PKIB: variants seen among roughly 807,000 people sequenced by gnomAD.
PKIB encodes the protein PKI-beta.
In PKIB, 2 loss-of-function variants were observed where a neutral mutation model predicts 4.5. The ratio of observed to expected loss-of-function variants is 0.44; its 90% CI spans 0.18 to 1.39. The LOEUF is 1.39. Among genes scored for constraint, PKIB ranks in the 40% most tolerant of loss-of-function variants. PKIB has a pLI of 0.27. For missense variants in PKIB, 94 were observed against 92.6 expected, an observed-to-expected ratio of 1.02 and a Z score of -0.06; for synonymous variants, 38 against 36.0, an observed-to-expected ratio of 1.06 and a Z score of -0.20.
At chr6:122,556,590 A>G (rs566103601) in intron 2 of PKIB, among the ~76,000 whole-genome samples, 1 of 152,208 alleles carries the variant, frequency 6.6e-6, no homozygotes, top group African/African-American at 2.4e-5. Flanking sequence ...CTTGGGCCAT[A>G]TGAATGAGCA....
At chr6:122,659,902 G>A (rs1015460153) in intron 2 of PKIB, among the ~76,000 whole-genome samples, 1 of 152,104 alleles carries the variant, frequency 6.6e-6, no homozygotes, top group Admixed American at 6.6e-5. Flanking sequence ...GAACTTTTAT[G>A]TGAAAAGACA....
chr6:122,537,144 G>A (rs1777430305), intron 2 of PKIB, among the ~76,000 whole-genome samples: 1 of 151,574 alleles, frequency 6.6e-6, no homozygotes, highest in Admixed American at 6.6e-5. Context: ...TCTTCTTTCT[G>A]ACAGAATCAA....
intron 2 of PKIB, among the ~76,000 whole-genome samples, chr6:122,494,601 T>C (rs1423234485): frequency 6.6e-6 from 1 of 152,064 alleles, no homozygotes; most frequent in African/African-American, 2.4e-5. Context: ...GGAAAAAAAA[T>C]TGCCTTTAAG....
intron 2 of PKIB, among the ~76,000 whole-genome samples, chr6:122,636,979 G>A (rs1325125842): frequency 6.6e-6 from 1 of 152,058 alleles, no homozygotes; most frequent in African/African-American, 2.4e-5. Flanking sequence ...TATTCAAAAA[G>A]CACAACAACA....
upstream of PKIB, among the ~76,000 whole-genome samples, chr6:122,609,570 A>G (rs1377608129): frequency 1.3e-5 from 2 of 152,234 alleles, no homozygotes; most frequent in African/African-American, 4.8e-5. Flanking sequence ...CATAGTATGA[A>G]TGAGCAAATT....
intron 1 of PKIB, among the ~76,000 whole-genome samples, chr6:122,624,531 A>AC (rs746828606): frequency 6.6e-6 from 1 of 152,212 alleles, no homozygotes; most frequent in Admixed American, 6.5e-5. Flanking sequence ...CTTTTGAGTC[A>AC]ATTCTCCAAA....
chr6:122,716,104 A>G (rs1189763975), intron 3 of PKIB, among the ~76,000 whole-genome samples: 1 of 152,196 alleles, frequency 6.6e-6, no homozygotes, highest in Non-Finnish European at 1.5e-5. Flanking sequence ...ACTTTTTGTT[A>G]GGATTAAATG....
At chr6:122,641,985 T>A (rs1776136917) in intron 2 of PKIB, among the ~76,000 whole-genome samples, 1 of 152,104 alleles carries the variant, frequency 6.6e-6, no homozygotes, top group South Asian at 2.1e-4. Flanking sequence ...GAGCCACAGC[T>A]CCCAGCTGTT....
chr6:122,569,400 C>T (rs776544135), intron 2 of PKIB, among the ~76,000 whole-genome samples: 4 of 152,154 alleles, frequency 2.6e-5, no homozygotes, highest in Non-Finnish European at 5.9e-5. Context: ...AATACTGTGT[C>T]CAGAATGGAG....
intron 2 of PKIB, among the ~76,000 whole-genome samples, chr6:122,648,579 A>G (rs773808144): frequency 7.9e-5 from 12 of 152,208 alleles, no homozygotes; most frequent in Non-Finnish European, 1.5e-4. Flanking sequence ...TTTGCTGTGA[A>G]GTAAGCTCCT....
upstream of PKIB, among the ~76,000 whole-genome samples, chr6:122,605,744 T>C (rs1305777683): frequency 6.6e-6 from 1 of 152,130 alleles, no homozygotes; most frequent in Non-Finnish European, 1.5e-5. Context: ...CCCAGGTACA[T>C]GACTTCTCAG....
chr6:122,690,583 GT>G (rs1452100057), intron 3 of PKIB, among the ~76,000 whole-genome samples: 1 of 151,752 alleles, frequency 6.6e-6, no homozygotes, highest in African/African-American at 2.4e-5. Flanking sequence ...AGTTTTTGAT[GT>G]TTCTATTTAT....
intron 2 of PKIB, among the ~76,000 whole-genome samples, chr6:122,638,734 T>A (rs1456998138): frequency 6.6e-6 from 1 of 152,200 alleles, no homozygotes; most frequent in East Asian, 1.9e-4. Flanking sequence ...GGACTGGGAC[T>A]GTTAAGAAGT....
intron 3 of PKIB, among the ~76,000 whole-genome samples, chr6:122,713,083 T>A (rs1779337028): frequency 6.6e-6 from 1 of 152,218 alleles, no homozygotes; most frequent in Admixed American, 6.5e-5. Flanking sequence ...CATGTGTGTA[T>A]ATACATATAT....
At chr6:122,668,430 C>T (rs1475043638) in intron 2 of PKIB, among the ~76,000 whole-genome samples, 1 of 152,106 alleles carries the variant, frequency 6.6e-6, no homozygotes, top group Non-Finnish European at 1.5e-5. Flanking sequence ...TTAGTATGAT[C>T]GACTTTTATG....
chr6:122,607,849 C>A (rs150477393), upstream of PKIB, among the ~76,000 whole-genome samples: 356 of 152,278 alleles, frequency 2.3e-3, 2 homozygotes, highest in African/African-American at 8.2e-3. Context: ...TTTACCAGTC[C>A]TTGATCCACT....
intron 3 of PKIB, among the ~76,000 whole-genome samples, chr6:122,685,131 T>A (rs897820078): frequency 5.3e-5 from 8 of 152,164 alleles, no homozygotes; most frequent in African/African-American, 1.9e-4. Flanking sequence ...CTGGATCCTA[T>A]CACTATCTTT....
intron 2 of PKIB, among the ~76,000 whole-genome samples, chr6:122,573,221 A>G (rs1189322711): frequency 2.6e-5 from 4 of 152,160 alleles, no homozygotes; most frequent in Non-Finnish European, 4.4e-5. Flanking sequence ...CCTCAACAAA[A>G]TACTAGCTAA....
At chr6:122,675,685 G>A (rs1017026947) in intron 3 of PKIB, among the ~76,000 whole-genome samples, 19 of 151,992 alleles carry the variant, frequency 1.3e-4, no homozygotes, top group Admixed American at 7.9e-4. Context: ...ATCAACTCAC[G>A]AATGAGGAAT....
Sources: gnomAD v4.1 joint callset for allele counts (sites outside exome capture counted in the v4.1 genomes callset) on GRCh38, gnomAD v4.1.1 for gene constraint, MANE v1.5 for transcripts, NCBI Gene and HGNC (gene_info 2026-07-23, HGNC 2026-07-21) for gene names.